The following ELMO1 variants were observed in gnomAD, a reference collection of about 807,000 sequenced individuals.
ELMO1 encodes the protein engulfment and cell motility 1.
A neutral mutation model predicts 98.9 loss-of-function variants in ELMO1; 26 were observed. The ratio of observed to expected loss-of-function variants is 0.26; its 90% CI spans 0.19 to 0.36. ELMO1 has a LOEUF of 0.36. Among genes scored for constraint, ELMO1 ranks in the 10% least tolerant of loss-of-function variants. ELMO1 has a pLI of 1.00. For missense variants in ELMO1, 627 were observed against 935.2 expected, an observed-to-expected ratio of 0.67 and a Z score of 4.30; for synonymous variants, 346 against 346.0, an observed-to-expected ratio of 1.00 and a Z score of 0.00.
chr7:37,283,153 T>C (rs1302874763), intron 4 of ELMO1, among the ~76,000 whole-genome samples: 1 of 152,036 alleles, frequency 6.6e-6, no homozygotes, highest in Non-Finnish European at 1.5e-5. Context: ...ATGGCAAGCC[T>C]GAGGGAAAGG....
chr7:36,861,337 C>T (rs548404657), intron 21 of ELMO1, among the ~76,000 whole-genome samples: 4 of 152,220 alleles, frequency 2.6e-5, no homozygotes, highest in African/African-American at 9.6e-5. Flanking sequence ...AAAATCCAGA[C>T]CAAAAACGAA....
intron 16 of ELMO1, among the ~76,000 whole-genome samples, chr7:37,010,889 C>T (rs879199189): frequency 5.2e-4 from 79 of 152,312 alleles, no homozygotes; most frequent in African/African-American, 1.8e-3. Context: ...AAAGCAAACA[C>T]GATGAAAGTA....
intron 5 of ELMO1, chr7:37,269,877 T>A: frequency 6.6e-6 from 1 of 152,192 alleles, no homozygotes; most frequent in Non-Finnish European, 1.5e-5. Context: ...AAGTTTCTTT[T>A]GGGATGCTGA....
chr7:37,054,989 TAAAAAC>T (rs1796319163), intron 15 of ELMO1, among the ~76,000 whole-genome samples: 2 of 152,220 alleles, frequency 1.3e-5, no homozygotes, highest in African/African-American at 4.8e-5. Context: ...TGCTACTGCT[TAAAAAC>T]AATAGCACTG....
intron 15 of ELMO1, among the ~76,000 whole-genome samples, chr7:37,035,781 A>G (rs1483309030): frequency 1.3e-5 from 2 of 152,254 alleles, no homozygotes; most frequent in African/African-American, 4.8e-5. Flanking sequence ...ACTGTAATAC[A>G]CAATTTACCA....
At chr7:37,042,211 G>GAAAA (rs35969834) in intron 15 of ELMO1, among the ~76,000 whole-genome samples, 1 of 93,556 alleles carries the variant, frequency 1.1e-5, no homozygotes, top group African/African-American at 3.6e-5. Flanking sequence ...TCTGACTTTT[G>GAAAA]AAAAAAAAAA....
At chr7:37,331,315 G>A (rs1253754687) in intron 2 of ELMO1, among the ~76,000 whole-genome samples, 6 of 144,686 alleles carry the variant, frequency 4.1e-5, no homozygotes, top group South Asian at 4.4e-4. Flanking sequence ...GACTACAGGC[G>A]CCAGCCGCCA....
At chr7:36,865,629 C>A (rs1378849959) in intron 20 of ELMO1, among the ~76,000 whole-genome samples, 1 of 152,220 alleles carries the variant, frequency 6.6e-6, no homozygotes, top group East Asian at 1.9e-4. Flanking sequence ...AAAGTCTTCT[C>A]CTCATTCTCT....
chr7:36,908,653 T>C (rs1784132985), intron 16 of ELMO1, among the ~76,000 whole-genome samples: 1 of 152,156 alleles, frequency 6.6e-6, no homozygotes, highest in Non-Finnish European at 1.5e-5. Flanking sequence ...TTAAACTACA[T>C]AGTGTAATGG....
intron 6 of ELMO1, among the ~76,000 whole-genome samples, chr7:37,247,466 C>T (rs1228643212): frequency 6.6e-6 from 1 of 152,018 alleles, no homozygotes; most frequent in African/African-American, 2.4e-5. Flanking sequence ...TGCCATGTGC[C>T]CATGTGCTTT....
intron 16 of ELMO1, among the ~76,000 whole-genome samples, chr7:37,004,725 A>C (rs1013621711): frequency 6.6e-6 from 1 of 152,254 alleles, no homozygotes; most frequent in African/African-American, 2.4e-5. Context: ...GTTATAGAAA[A>C]TGTCCAGAAA....
At chr7:37,292,880 C>A (rs1583474946) in intron 4 of ELMO1, among the ~76,000 whole-genome samples, 3 of 101,056 alleles carry the variant, frequency 3.0e-5, no homozygotes, top group East Asian at 3.0e-4. Context: ...GTGAGGAGCC[C>A]CTCTGCCCGG....
At chr7:37,009,276 T>G (rs1793378429) in intron 16 of ELMO1, among the ~76,000 whole-genome samples, 1 of 152,214 alleles carries the variant, frequency 6.6e-6, no homozygotes, top group African/African-American at 2.4e-5. Flanking sequence ...TCTAAAATAT[T>G]GGTAATGATA....
intron 13 of ELMO1, among the ~76,000 whole-genome samples, chr7:37,195,519 C>T (rs1563070657): frequency 6.6e-6 from 1 of 152,346 alleles, no homozygotes; most frequent in South Asian, 2.1e-4. Context: ...CCACAGGCCC[C>T]TGTCTCACAC....
chr7:37,118,340 T>G lies in ELMO1; in HGVS notation c.1191+14790A>C, dbSNP rs150662297. On this transcript the variant is annotated intron_variant, in intron 14 of 21. Transcript: ENST00000310758. The stretch of plus-strand genomic sequence containing the variant: ...CAGAGCTCCCAGAGCACTGGTCCAG[T>G]GCAGTCTGTTTATAATATACTCGTG... Among the ~76,000 whole-genome samples the G allele has an allele frequency of 5.8e-3, 887 of 152,298 alleles. 1 individual carries two copies. The highest frequency in any genetic ancestry group is 8.5e-3 in the Non-Finnish European group (575 of 68,022).
At chr7:37,436,008 T>C (rs1216952823) in intron 1 of ELMO1, among the ~76,000 whole-genome samples, 10 of 152,150 alleles carry the variant, frequency 6.6e-5, no homozygotes, top group South Asian at 2.1e-4. Flanking sequence ...ATGTACCATA[T>C]GGTATGCTGC....
rs192701863 is a variant in ELMO1 at position 37,213,809 on chromosome 7, A to C, written c.832-352T>G. ...TTTCTACAATGGAAGCATCTGTCAC[A>C]CGCAGCAGAAAAACCAATGATGCAT... On this transcript the variant is annotated intron_variant, in intron 11 of 21. Coordinates refer to ENST00000310758, the MANE Select transcript of ELMO1 (RefSeq NM_014800.11). Among the ~76,000 whole-genome samples, 4 of 152,360 alleles carry C rather than the reference A, an allele frequency of 2.6e-5. No individual in the cohort carries two copies. In the East Asian group the frequency reaches 7.7e-4, roughly 29 times the overall value.
At chr7:36,919,956 C>T (rs1212359930) in intron 16 of ELMO1, among the ~76,000 whole-genome samples, 1 of 152,196 alleles carries the variant, frequency 6.6e-6, no homozygotes, top group African/African-American at 2.4e-5. Context: ...CTATGAGATG[C>T]CAAAAGCCCC....
intron 14 of ELMO1, among the ~76,000 whole-genome samples, chr7:37,119,366 T>C (rs2129285699): frequency 6.6e-6 from 1 of 152,316 alleles, no homozygotes; most frequent in East Asian, 1.9e-4. Context: ...CAGAACATAG[T>C]AAAGGCTCAA....
Sources: allele counts gnomAD v4.1 joint callset (sites outside exome capture counted in the v4.1 genomes callset), GRCh38; gene constraint gnomAD v4.1.1; transcripts MANE v1.5; gene names NCBI Gene and HGNC (gene_info 2026-07-23, HGNC 2026-07-21).